Variants in ABCG5 observed in about 807,000 individuals in gnomAD.
ABCG5 encodes the protein ATP-binding cassette sub-family G member 5.
In ABCG5, 64 loss-of-function variants were observed where a neutral mutation model predicts 64.5. The observed-to-expected ratio is 0.99, with a 90% CI of 0.81 to 1.22. ABCG5 has a LOEUF of 1.22. Among genes scored for constraint, ABCG5 ranks in the 50% most tolerant of loss-of-function variants. The pLI is 0.00. For missense variants in ABCG5, 908 were observed against 829.5 expected, an observed-to-expected ratio of 1.09 and a Z score of -1.16; for synonymous variants, 385 against 326.3, an observed-to-expected ratio of 1.18 and a Z score of -1.94.
intron 10 of ABCG5, 123 bp downstream of exon 10, chr2:43,822,674 T>C: frequency 6.4e-7 from 1 of 1,563,926 alleles, no homozygotes; most frequent in African/African-American, 1.4e-5. Context: ...CACTAGACAC[T>C]GATGGGCAAA....
At chr2:43,835,865 T>C (rs562835185) in intron 2 of ABCG5, among the ~76,000 whole-genome samples, 1 of 152,318 alleles carries the variant, frequency 6.6e-6, no homozygotes, top group East Asian at 1.9e-4. Flanking sequence ...AAAAAATTTC[T>C]GCTTTTTATA....
intron 11 of ABCG5, 110 bp downstream of exon 11, chr2:43,819,803 TAA>T: frequency 7.9e-6 from 9 of 1,142,708 alleles, no homozygotes; most frequent in Non-Finnish European, 1.0e-5. Context: ...GACTATAAGG[TAA>T]TATCCATAAC....
chr2:43,819,188 A>G (rs956707818), intron 11 of ABCG5, among the ~76,000 whole-genome samples: 2 of 152,104 alleles, frequency 1.3e-5, no homozygotes, highest in African/African-American at 4.8e-5. Context: ...GGACCCAGAG[A>G]TTACTTACTA....
At chr2:43,820,229 C>A (rs1156855277) in intron 10 of ABCG5, 129 bp from the exon 11 acceptor site, 2 of 1,126,746 alleles carry the variant, frequency 1.8e-6, no homozygotes, top group Non-Finnish European at 2.6e-6. Context: ...AGCCACACTC[C>A]CCTTTGAAAG....
downstream of ABCG5, chr2:43,810,402 A>G (rs540708859): frequency 3.0e-6 from 3 of 985,446 alleles, no homozygotes; most frequent in Non-Finnish European, 3.6e-6. Context: ...GAGATATCCT[A>G]TCAAGAAGCA....
Position 43,832,021 on chromosome 2 carries a change from G to T in ABCG5, c.328C>A (p.Leu110Met). ...SGRLGRAGTF[L>M]GEVYVNGRAL... ...CGGCCGTTCACATACACCTCCCCCA[G>T]GAAGGTCCCCGCGCGCCCCAGCCTC... Residue 110 changes from leucine (L) to methionine (M), a missense_variant, in exon 3 of 13, where the codon CTG becomes ATG. By Grantham distance (15) the Leu-to-Met change is conservative. Coordinates refer to ENST00000405322, the MANE Select transcript of ABCG5 (RefSeq NM_022436.3). The T allele has an allele frequency of 6.4e-7, 1 of 1,571,646 alleles. No individual in the cohort carries two copies. The highest frequency in any genetic ancestry group is 8.6e-7 in the Non-Finnish European group (1 of 1,158,660).
At chr2:43,810,498 T>C, downstream of ABCG5, 1 of 985,450 alleles carries the variant, frequency 1.0e-6, no homozygotes, top group Non-Finnish European at 1.2e-6. Context: ...TGTAGATGTG[T>C]GTACCTGCTA....
intron 2 of ABCG5, chr2:43,832,435 A>G: frequency 5.5e-6 from 2 of 365,304 alleles, no homozygotes; most frequent in Non-Finnish European, 1.0e-5. Flanking sequence ...AATAAGAGGA[A>G]AGCCAAGACT....
At chr2:43,833,363 A>ATAATATTAT (rs1668065553) in intron 2 of ABCG5, among the ~76,000 whole-genome samples, 1 of 144,234 alleles carries the variant, frequency 6.9e-6, no homozygotes, top group African/African-American at 2.5e-5. Flanking sequence ...TTTTGTTGAA[A>ATAATATTAT]TATTATTATT....
At chr2:43,818,819 A>G (rs974616664) in intron 11 of ABCG5, among the ~76,000 whole-genome samples, 3 of 152,172 alleles carry the variant, frequency 2.0e-5, no homozygotes, top group Admixed American at 1.3e-4. Context: ...TTTCATATTG[A>G]TTATTTCCGT....
rs867524848 is a variant in ABCG5 at position 43,831,794 on chromosome 2, C to T, written c.476G>A (p.Gly159Asp). The T allele has an allele frequency of 2.5e-6, 4 of 1,587,072 alleles. No individual in the cohort carries two copies. The highest frequency in any genetic ancestry group is 2.3e-5 in the East Asian group (1 of 43,992). ...HYTALLAIRRGNPGSFQKKVE... is the reference protein window; with the variant it reads ...HYTALLAIRRDNPGSFQKKVE... ...CTTCTTCTGGAAGGAGCCGGGATTG[C>T]CGCGGCGGATGGCCAGCAGCGCGGT... Residue 159 changes from glycine to aspartate, a missense_variant, in exon 4 of 13, where the codon GGC (glycine) becomes GAC (aspartate). Coordinates refer to ENST00000405322, the MANE Select transcript of ABCG5 (RefSeq NM_022436.3).
chr2:43,807,382 C>T, the ABCG5 span, among the ~76,000 whole-genome samples: 2 of 152,114 alleles, frequency 1.3e-5, no homozygotes, highest in African/African-American at 2.4e-5. Context: ...AGAGCATTCC[C>T]GATTTTAAGG....
intron 2 of ABCG5, among the ~76,000 whole-genome samples, chr2:43,833,677 C>G (rs1197338166): frequency 6.7e-6 from 1 of 149,842 alleles, no homozygotes; most frequent in Non-Finnish European, 1.5e-5. Context: ...AGCCACCGGG[C>G]CCAGCCCTTT....
rs148997255 is a variant in ABCG5, at chr2:43,824,066, G to A, written c.1171C>T (p.Leu391Phe). Residue 391 changes from leucine to phenylalanine, a missense_variant, in exon 9 of 13, where the codon CTT becomes TTT. Leu to Phe is a conservative substitution (Grantham distance 22). Transcript: ENST00000405322. The part of the protein sequence containing the change: ...RNKLAVITRL[L>F]QNLIMGLFLL... The stretch of plus-strand genomic sequence containing the variant: ...AACAAACCCATGATCAGATTCTGAA[G>A]GAGACGCGTAATCACTGCCAGCTTA... 5.0e-5 allele frequency: 81 copies of A among 1,614,208 alleles called. No homozygotes were observed. In the African/African-American group the frequency reaches 6.5e-4, roughly 13 times the overall value.
chr2:43,813,360 T>A, intron 12 of ABCG5, 51 bp from the exon 13 acceptor site: 1 of 1,342,722 alleles, frequency 7.4e-7, no homozygotes, highest in Non-Finnish European at 1.1e-6. Flanking sequence ...TCAGGTAATT[T>A]AATCAACAAG....
downstream of ABCG5, among the ~76,000 whole-genome samples, chr2:43,808,142 G>A (rs1244636621): frequency 1.3e-5 from 2 of 151,860 alleles, no homozygotes; most frequent in East Asian, 1.9e-4. Context: ...CTTTAAAACC[G>A]CAAGTGGTAG....
chr2:43,837,613 T>G (rs1668361209), intron 2 of ABCG5, among the ~76,000 whole-genome samples: 1 of 152,212 alleles, frequency 6.6e-6, no homozygotes. Flanking sequence ...CTTTTTATAT[T>G]TTGAAATATG....
chr2:43,829,026 C>T (rs116993586), intron 4 of ABCG5, among the ~76,000 whole-genome samples: 2 of 152,050 alleles, frequency 1.3e-5, no homozygotes, highest in Non-Finnish European at 2.9e-5. Context: ...AGAACACAAA[C>T]TGCTTACACT....
Position 43,831,225 on chromosome 2 carries a change from T to C in ABCG5, c.501+544A>G, listed in dbSNP as rs149169955. On this transcript the variant is annotated intron_variant, in intron 4 of 12. Transcript: ENST00000405322. ...TCTCTTTTTGTCCTTCAGGCTGGAG[T>C]GCAATGGTGCAATCATGGCTCGCTG... Among the ~76,000 whole-genome samples the C allele has an allele frequency of 3.3e-5, 5 of 152,284 alleles. No individual in the cohort carries two copies. In the East Asian group the frequency reaches 9.6e-4, roughly 29 times the overall value.
Sources: gnomAD v4.1 joint callset for allele counts (sites outside exome capture counted in the v4.1 genomes callset) on GRCh38, gnomAD v4.1.1 for gene constraint, MANE v1.5 for transcripts, NCBI Gene and HGNC (gene_info 2026-07-23, HGNC 2026-07-21) for gene names.